Variants in NRG3 observed in about 807,000 individuals in gnomAD.
NRG3 encodes pro-neuregulin-3, membrane-bound isoform.
A neutral mutation model predicts 66.9 loss-of-function variants in NRG3; 31 were observed. The observed-to-expected ratio is 0.46, with a 90% CI of 0.35 to 0.63. The LOEUF is 0.63. Among genes scored for constraint, NRG3 ranks in the 20% least tolerant of loss-of-function variants. NRG3 has a pLI of 0.00. For missense variants in NRG3, 910 were observed against 878.9 expected, an observed-to-expected ratio of 1.04 and a Z score of -0.45; for synonymous variants, 393 against 359.4, an observed-to-expected ratio of 1.09 and a Z score of -1.06.
chr10:82,518,910 G>C (rs1015335887), intron 2 of NRG3, among the ~76,000 whole-genome samples: 1 of 152,128 alleles, frequency 6.6e-6, no homozygotes, highest in African/African-American at 2.4e-5. Context: ...AACACCAAGA[G>C]ATTTGATAAT....
Position 82,208,050 on chromosome 10 carries a change from T to A in NRG3, c.824-150689T>A, listed in dbSNP as rs76092976. Reference sequence around the variant, plus strand: ...TCTATCTGCACTATCTCATTTGACCTAAATTATCAGGTAGAAACAATTATG... The same window carrying A: ...TCTATCTGCACTATCTCATTTGACCAAAATTATCAGGTAGAAACAATTATG... On this transcript the variant is annotated intron_variant, in intron 1 of 8. Coordinates refer to ENST00000372141, the MANE Select transcript of NRG3 (RefSeq NM_001010848.4). Among the ~76,000 whole-genome samples the A allele has an allele frequency of 8.0e-3, 1,215 of 152,312 alleles. 15 individuals carry two copies. Among genetic ancestry groups the A allele is most frequent in the Middle Eastern group, 0.061 (18 of 294 alleles).
chr10:81,982,615 T>G (rs2060371939), intron 1 of NRG3, among the ~76,000 whole-genome samples: 1 of 152,250 alleles, frequency 6.6e-6, no homozygotes, highest in African/African-American at 2.4e-5. Flanking sequence ...GCCTCTCTTC[T>G]TGGCTTGCAG....
intron 2 of NRG3, among the ~76,000 whole-genome samples, chr10:82,656,996 G>A (rs2133933840): frequency 6.6e-6 from 1 of 151,986 alleles, no homozygotes; most frequent in Admixed American, 6.6e-5. Flanking sequence ...AACATGCCAG[G>A]CAGGCTTCCC....
chr10:82,200,933 C>T (rs2074775124), intron 1 of NRG3, among the ~76,000 whole-genome samples: 1 of 152,092 alleles, frequency 6.6e-6, no homozygotes, highest in Non-Finnish European at 1.5e-5. Context: ...CACGTTGGCT[C>T]ACACCTGTAA....
chr10:82,283,139 TC>T (rs201915343), intron 1 of NRG3, among the ~76,000 whole-genome samples: 2,168 of 151,996 alleles, frequency 0.014, 38 homozygotes, highest in Admixed American at 0.047. Context: ...TGGGAAACAC[TC>T]CTAAGGAAAC....
chr10:82,379,654 G>A (rs1174751232), intron 2 of NRG3, among the ~76,000 whole-genome samples: 1 of 152,010 alleles, frequency 6.6e-6, no homozygotes, highest in African/African-American at 2.4e-5. Flanking sequence ...TAGAATTTGG[G>A]GAAGAAGGAC....
intron 1 of NRG3, among the ~76,000 whole-genome samples, chr10:82,348,937 C>G: frequency 6.8e-6 from 1 of 147,068 alleles, no homozygotes; most frequent in Middle Eastern, 3.6e-3. Flanking sequence ...TTAAGCACTT[C>G]TCTGTATTGG....
intron 1 of NRG3, among the ~76,000 whole-genome samples, chr10:81,901,276 G>A (rs781522438): frequency 1.3e-5 from 2 of 152,230 alleles, no homozygotes; most frequent in African/African-American, 2.4e-5. Flanking sequence ...AACTGCAGCC[G>A]GGGCCTCCCT....
chr10:82,950,217 G>A (rs958185192), intron 4 of NRG3, among the ~76,000 whole-genome samples: 2 of 152,158 alleles, frequency 1.3e-5, no homozygotes, highest in Non-Finnish European at 1.5e-5. Flanking sequence ...GAGAGAGAAT[G>A]TATATAGATG....
chr10:82,149,707 G>GT (rs11345621), intron 1 of NRG3, among the ~76,000 whole-genome samples: 7,074 of 141,296 alleles, frequency 0.05, 161 homozygotes, highest in Non-Finnish European at 0.059. Context: ...AGAAAGCTCT[G>GT]TTTTTTTTTT....
At chr10:82,375,454 G>A (rs940888666) in intron 2 of NRG3, among the ~76,000 whole-genome samples, 1 of 151,518 alleles carries the variant, frequency 6.6e-6, no homozygotes, top group Non-Finnish European at 1.5e-5. Context: ...GGAGAATGGC[G>A]TGAACCTGGG....
chr10:82,602,484 A>T (rs930728056), intron 2 of NRG3, among the ~76,000 whole-genome samples: 1 of 152,016 alleles, frequency 6.6e-6, no homozygotes, highest in African/African-American at 2.4e-5. Flanking sequence ...AAATTATTAT[A>T]TTATTTTCAA....
intron 2 of NRG3, among the ~76,000 whole-genome samples, chr10:82,663,004 G>A (rs867514889): frequency 6.6e-6 from 1 of 152,310 alleles, no homozygotes; most frequent in Middle Eastern, 3.4e-3. Context: ...CCCATTTCAT[G>A]ACTTCTATCT....
intron 2 of NRG3, among the ~76,000 whole-genome samples, chr10:82,633,131 GGA>G (rs1225766271): frequency 1.3e-5 from 2 of 152,156 alleles, no homozygotes; most frequent in Non-Finnish European, 2.9e-5. Context: ...CTGGGTAAAT[GGA>G]GATTTCTTTA....
At chr10:82,043,748 A>T (rs150702966) in intron 1 of NRG3, among the ~76,000 whole-genome samples, 158 of 152,166 alleles carry the variant, frequency 1.0e-3, no homozygotes, top group Non-Finnish European at 1.9e-3. Context: ...TAACATAGTT[A>T]ATAGGATCTT....
chr10:82,132,479 G>GATATATATATCAGATATATATATC (rs1491227241), intron 1 of NRG3, among the ~76,000 whole-genome samples: 2 of 62,498 alleles, frequency 3.2e-5, no homozygotes, highest in African/African-American at 1.2e-4. Flanking sequence ...ATATATATAT[G>GATATATATATCAGATATATATATC]ATATATATAT....
intron 2 of NRG3, among the ~76,000 whole-genome samples, chr10:82,606,905 T>C (rs376767224): frequency 3.3e-4 from 51 of 152,318 alleles, no homozygotes; most frequent in South Asian, 1.7e-3. Context: ...CTCCCTGTCC[T>C]GTGACTTCAT....
At chr10:82,970,006 A>C (rs1312862590) in intron 6 of NRG3, among the ~76,000 whole-genome samples, 1 of 152,070 alleles carries the variant, frequency 6.6e-6, no homozygotes, top group Non-Finnish European at 1.5e-5. Context: ...TATTCTTTTC[A>C]ATGGCTGTGT....
intron 2 of NRG3, among the ~76,000 whole-genome samples, chr10:82,692,251 CAA>C (rs11323182): frequency 1.6e-3 from 196 of 120,722 alleles, no homozygotes; most frequent in Middle Eastern, 4.9e-3. Context: ...GATTCCATCT[CAA>C]AAAAAAAAAA....
Sources: allele counts gnomAD v4.1 joint callset (sites outside exome capture counted in the v4.1 genomes callset), GRCh38; gene constraint gnomAD v4.1.1; transcripts MANE v1.5; gene names NCBI Gene and HGNC (gene_info 2026-07-23, HGNC 2026-07-21).